The following TENM1 variants were observed in gnomAD, a reference collection of about 807,000 sequenced individuals.
TENM1 encodes teneurin transmembrane protein 1.
Under a neutral mutation model 174.8 loss-of-function variants are expected in TENM1, and 35 were observed. That is an observed-to-expected ratio of 0.20 (90% confidence interval 0.15 to 0.27). The LOEUF (loss-of-function observed/expected upper bound fraction) is 0.27, where lower values mean the gene tolerates loss of function less well. TENM1 is among the 10% of genes least tolerant of loss of function. The pLI, the probability that TENM1 is intolerant of heterozygous loss-of-function variation, is 1.00. For missense variants in TENM1, 1,633 were observed against 2,130.1 expected (o/e 0.77, Z 4.59); for synonymous variants, 781 against 798.7 (o/e 0.98, Z 0.37).
chrX:124,957,885 C>T (rs1049640264), intron 1 of TENM1, among the ~76,000 whole-genome samples: 1 of 111,719 alleles, frequency 9.0e-6, no homozygotes, highest in Admixed American at 9.5e-5. Context: ...TGGAGATATT[C>T]AAAAACTAAT....
At chrX:125,128,586 C>G in the TENM1 span, among the ~76,000 whole-genome samples, 1 of 111,113 alleles carries the variant, frequency 9.0e-6, no homozygotes, top group African/African-American at 3.3e-5. Flanking sequence ...TGAAAACCTC[C>G]CATGTGCTAT....
rs199577744 is a variant in TENM1 at position 124,677,675 on chromosome X, G to A, written c.1016-5840C>T. Among the ~76,000 whole-genome samples, 8 of 111,219 alleles carry A rather than the reference G, an allele frequency of 7.2e-5. No individual in the cohort carries two copies. In the South Asian group the frequency reaches 2.3e-3, roughly 31 times the overall value. ...ACCCATCTATGGAAGAGTGGTACAC[G>A]CTTACTATGAAATCCTTTATAAGAA... On this transcript the variant is annotated intron_variant, in intron 5 of 31. Coordinates refer to ENST00000422452, the Ensembl canonical transcript of TENM1.
chrX:124,968,101 CAT>C (rs1450396068), upstream of TENM1, among the ~76,000 whole-genome samples: 1 of 111,685 alleles, frequency 9.0e-6, no homozygotes, highest in Non-Finnish European at 1.9e-5. Context: ...TGGGATAAAA[CAT>C]ATATACAGAA....
intron 1 of TENM1, among the ~76,000 whole-genome samples, chrX:124,936,321 C>T (rs539517426): frequency 9.0e-6 from 1 of 111,606 alleles, no homozygotes; most frequent in African/African-American, 3.3e-5. Flanking sequence ...TGCTGTTTCC[C>T]CTTGCTTGGA....
At chrX:124,496,531 C>T (rs1207643249) in intron 20 of TENM1, among the ~76,000 whole-genome samples, 2 of 111,805 alleles carry the variant, frequency 1.8e-5, no homozygotes, top group African/African-American at 6.5e-5. Flanking sequence ...GGGTAAAGAA[C>T]CATTTCTCCC....
At chrX:124,940,462 C>T (rs2058309542) in intron 1 of TENM1, among the ~76,000 whole-genome samples, 1 of 111,505 alleles carries the variant, frequency 9.0e-6, no homozygotes, top group Non-Finnish European at 1.9e-5. Context: ...ATATCCTTGC[C>T]CTTTCTACAG....
the TENM1 span, among the ~76,000 whole-genome samples, chrX:125,036,896 G>T: frequency 9.0e-6 from 1 of 111,196 alleles, no homozygotes; most frequent in African/African-American, 3.3e-5. Flanking sequence ...ATAATCAAGG[G>T]TGCAAAGGCA....
At chrX:124,984,790 T>A in the TENM1 span, among the ~76,000 whole-genome samples, 1 of 112,135 alleles carries the variant, frequency 8.9e-6, no homozygotes, top group African/African-American at 3.2e-5. Flanking sequence ...TTAACACTAT[T>A]GAATAGAATA....
At chrX:124,714,255 T>G (rs2053128816) in intron 4 of TENM1, among the ~76,000 whole-genome samples, 1 of 111,864 alleles carries the variant, frequency 8.9e-6, no homozygotes, top group East Asian at 2.8e-4. Context: ...TCAACTTCAG[T>G]TTTGTTGATT....
intron 3 of TENM1, among the ~76,000 whole-genome samples, chrX:124,769,203 A>G (rs1165446838): frequency 2.7e-5 from 3 of 112,030 alleles, no homozygotes; most frequent in Non-Finnish European, 5.6e-5. Context: ...TATTAAAAGA[A>G]TCCTCAAGAT....
intron 11 of TENM1, among the ~76,000 whole-genome samples, chrX:124,576,296 G>A (rs2049164798): frequency 9.0e-6 from 1 of 111,706 alleles, no homozygotes; most frequent in Non-Finnish European, 1.9e-5. Context: ...CTGATCTCAG[G>A]TGATCCACCT....
At chrX:124,877,959 T>C (rs760315536) in intron 3 of TENM1, among the ~76,000 whole-genome samples, 7 of 111,796 alleles carry the variant, frequency 6.3e-5, no homozygotes, top group Non-Finnish European at 9.4e-5. Flanking sequence ...ATATATTTAC[T>C]ATTAATTAAG....
intron 23 of TENM1, among the ~76,000 whole-genome samples, chrX:124,446,185 A>G (rs2060963387): frequency 8.9e-6 from 1 of 112,299 alleles, no homozygotes; most frequent in Admixed American, 9.4e-5. Context: ...GCTAAATACA[A>G]TGCTATTTGG....
At chrX:125,149,503 A>T in the TENM1 span, among the ~76,000 whole-genome samples, 3 of 112,453 alleles carry the variant, frequency 2.7e-5, no homozygotes, top group African/African-American at 9.7e-5. Context: ...CACAGGGTAT[A>T]GGAAATATTT....
the TENM1 span, among the ~76,000 whole-genome samples, chrX:125,175,783 A>T: frequency 9.0e-6 from 1 of 111,661 alleles, no homozygotes; most frequent in Non-Finnish European, 1.9e-5. Context: ...GAGGGAAAAA[A>T]GCAATACCAT....
chrX:124,815,564 A>G (rs1365030942), intron 3 of TENM1, among the ~76,000 whole-genome samples: 4 of 111,735 alleles, frequency 3.6e-5, no homozygotes, highest in Non-Finnish European at 7.5e-5. Context: ...TGCCAGAAAA[A>G]TTATGGGCAG....
chrX:124,704,371 AT>A (rs1480631907), intron 5 of TENM1, among the ~76,000 whole-genome samples: 1 of 112,007 alleles, frequency 8.9e-6, no homozygotes, highest in African/African-American at 3.2e-5. Flanking sequence ...ATCCAGAAAA[AT>A]CAATACAATT....
rs1179029450 is a variant in TENM1, at chrX:124,754,219, G to A, written c.536-17022C>T. On this transcript the variant is annotated intron_variant, in intron 3 of 31. Coordinates refer to ENST00000422452, the Ensembl canonical transcript of TENM1. ...CTTCTTCCTGGTTTAGTCTTGGGAG[G>A]GTGTATGTGTCGAGGAATTTATCCA... 4.5e-5 allele frequency among the ~76,000 whole-genome samples: 5 copies of A among 110,766 alleles called. No individual in the cohort carries two copies. In the East Asian group the frequency reaches 1.1e-3, roughly 25 times the overall value.
At chrX:124,896,362 T>C in intron 1 of TENM1, 121 bp from the exon 5 acceptor site, 1 of 775,391 alleles carries the variant, frequency 1.3e-6, no homozygotes, top group Non-Finnish European at 1.8e-6. Flanking sequence ...TTTTGCAAGT[T>C]AGAATTCTGG....
Sources: allele counts gnomAD v4.1 joint callset (sites outside exome capture counted in the v4.1 genomes callset), GRCh38; gene constraint gnomAD v4.1.1; transcripts MANE v1.5; gene names NCBI Gene and HGNC (gene_info 2026-07-23, HGNC 2026-07-21).